Variants in NEGR1 observed in about 807,000 individuals in gnomAD.
NEGR1 encodes neuronal growth regulator 1.
A neutral mutation model predicts 40.9 loss-of-function variants in NEGR1; 10 were observed. That is an observed-to-expected ratio of 0.24 (90% confidence interval 0.15 to 0.42). NEGR1 has a LOEUF of 0.42. Among genes scored for constraint, NEGR1 ranks in the 10% least tolerant of loss-of-function variants. The pLI, the probability that NEGR1 is intolerant of heterozygous loss-of-function variation, is 1.00. For synonymous variants in NEGR1, 185 were observed against 166.8 expected (o/e 1.11, Z -0.84); for missense variants, 352 against 438.9 (o/e 0.80, Z 1.77).
chr1:72,061,623 C>T (rs1647175010), intron 1 of NEGR1, among the ~76,000 whole-genome samples: 1 of 151,714 alleles, frequency 6.6e-6, no homozygotes, highest in Non-Finnish European at 1.5e-5. Context: ...AGACTTTTAT[C>T]CACCAAACAA....
chr1:71,936,150 A>G (rs1645903854), intron 1 of NEGR1, among the ~76,000 whole-genome samples: 2 of 152,204 alleles, frequency 1.3e-5, no homozygotes, highest in South Asian at 4.1e-4. Flanking sequence ...GTAAGCTTGT[A>G]CACTGAAACT....
At chr1:71,951,694 T>C (rs1646071950) in intron 1 of NEGR1, among the ~76,000 whole-genome samples, 1 of 151,932 alleles carries the variant, frequency 6.6e-6, no homozygotes, top group Non-Finnish European at 1.5e-5. Context: ...AGTACAGGCA[T>C]ACCTCATTTT....
intron 4 of NEGR1, among the ~76,000 whole-genome samples, chr1:71,652,336 T>C (rs2781151): frequency 0.018 from 2,711 of 152,296 alleles, 76 homozygotes; most frequent in African/African-American, 0.062. Flanking sequence ...CTATTTTAGT[T>C]TGTAAACTGA....
chr1:71,729,376 C>A (rs1654779092), intron 3 of NEGR1, among the ~76,000 whole-genome samples: 1 of 152,146 alleles, frequency 6.6e-6, no homozygotes, highest in Admixed American at 6.5e-5. Context: ...ATAATCAAAT[C>A]AAATCTAGTC....
intron 1 of NEGR1, among the ~76,000 whole-genome samples, chr1:72,197,111 T>C (rs1256314213): frequency 2.6e-5 from 4 of 152,022 alleles, no homozygotes; most frequent in Admixed American, 6.6e-5. Flanking sequence ...CAAAGAGTTA[T>C]GTATCATGGA....
At position 72,282,421 on chromosome 1, in the gene NEGR1, C is replaced by T. The variant is rs770576682; in HGVS notation, c.74G>A (p.Cys25Tyr). The change falls in exon 1 of 7, where the codon TGC (cysteine) becomes TAC (tyrosine). Residue 25 changes from cysteine to tyrosine, a missense_variant. Transcript: ENST00000357731. ...CGGGAGGCAGGAGGGTAGCAGGCAG[C>T]ACAGGCTGAGGAGCACCGCCGCCAG... ...QWLAAVLLSL[C>Y]CLLPSCLPAG... The T allele has an allele frequency of 6.2e-7, 1 of 1,613,794 alleles. No individual in the cohort carries two copies. The highest frequency in any genetic ancestry group is 1.7e-5 in the Admixed American group (1 of 59,984).
At chr1:72,153,826 C>T (rs1293083589) in intron 1 of NEGR1, among the ~76,000 whole-genome samples, 1 of 151,792 alleles carries the variant, frequency 6.6e-6, no homozygotes, top group Non-Finnish European at 1.5e-5. Context: ...TCTACTAACT[C>T]ACGGTAGCAT....
chr1:71,427,549 A>T (rs12144015), intron 6 of NEGR1, among the ~76,000 whole-genome samples: 4 of 151,934 alleles, frequency 2.6e-5, no homozygotes, highest in Admixed American at 2.6e-4. Flanking sequence ...TAATAAATCA[A>T]GTTAAAAGAT....
chr1:72,272,065 G>T (rs1041809925), intron 1 of NEGR1, among the ~76,000 whole-genome samples: 1 of 151,678 alleles, frequency 6.6e-6, no homozygotes, highest in Non-Finnish European at 1.5e-5. Flanking sequence ...AAAATTATGG[G>T]TTTAGAATTT....
At chr1:72,267,427 C>T (rs1449589328) in intron 1 of NEGR1, among the ~76,000 whole-genome samples, 3 of 150,978 alleles carry the variant, frequency 2.0e-5, no homozygotes, top group Non-Finnish European at 4.5e-5. Flanking sequence ...TTAGGGATTT[C>T]CCCATACTAA....
At chr1:72,269,740 T>G (rs1467361788) in intron 1 of NEGR1, among the ~76,000 whole-genome samples, 1 of 151,656 alleles carries the variant, frequency 6.6e-6, no homozygotes, top group African/African-American at 2.4e-5. Flanking sequence ...ATGGAATCAT[T>G]TATGGATGAG....
At chr1:72,272,771 T>C (rs894767395) in intron 1 of NEGR1, among the ~76,000 whole-genome samples, 3 of 151,984 alleles carry the variant, frequency 2.0e-5, no homozygotes, top group African/African-American at 7.2e-5. Context: ...TGGACCTATG[T>C]CCAAATGACT....
chr1:71,559,036 T>C lies in NEGR1; in HGVS notation c.940+33781A>G, dbSNP rs1008188730. Among the ~76,000 whole-genome samples, 11 of 125,104 alleles carry C rather than the reference T, an allele frequency of 8.8e-5. No homozygotes were observed. The South Asian group carries it at 2.6e-3, about 29-fold the overall frequency. 82.1% of individuals were successfully genotyped at this position (125,104 alleles called of 152,430 possible). ...GTGTGTGTGTATATATATATATATA[T>C]ATATATATACACATATATATTCATG... On this transcript the variant is annotated intron_variant, in intron 6 of 6. Coordinates refer to ENST00000357731, the MANE Select transcript of NEGR1 (RefSeq NM_173808.3).
In NEGR1 at chr1:71,947,477, C is replaced by A. The variant is rs116745690; in HGVS notation, c.177-12166G>T. On this transcript the variant is annotated intron_variant, in intron 1 of 6. Transcript: ENST00000357731. ...ACAACAAACAATTACAGGAATCTCA[C>A]CCAAAATCATTCCTAATGCTTTATC... Among the ~76,000 whole-genome samples the A allele has an allele frequency of 6.4e-3, 977 of 152,214 alleles. 12 individuals carry two copies. Among genetic ancestry groups the A allele is most frequent in the African/African-American group, 0.023 (938 of 41,550 alleles).
intron 2 of NEGR1, among the ~76,000 whole-genome samples, chr1:71,905,286 A>G (rs1014934791): frequency 1.1e-4 from 16 of 152,100 alleles, no homozygotes; most frequent in African/African-American, 3.9e-4. Context: ...TATTTTTGAT[A>G]AAAAGTTTCA....
chr1:72,054,665 A>G (rs1647094489), intron 1 of NEGR1, among the ~76,000 whole-genome samples: 1 of 151,216 alleles, frequency 6.6e-6, no homozygotes, highest in South Asian at 2.1e-4. Context: ...AGCACATGGT[A>G]TCTCATTACA....
At chr1:71,756,950 G>A (rs76804187) in intron 3 of NEGR1, among the ~76,000 whole-genome samples, 2,343 of 151,690 alleles carry the variant, frequency 0.015, 34 homozygotes, top group East Asian at 0.036. Context: ...AAGTTCTCAA[G>A]ACTTTAGAAT....
At chr1:72,199,835 C>T (rs1030524903) in intron 1 of NEGR1, among the ~76,000 whole-genome samples, 1 of 151,704 alleles carries the variant, frequency 6.6e-6, no homozygotes, top group East Asian at 1.9e-4. Flanking sequence ...AAACAGCACA[C>T]AAAAAACAAC....
chr1:71,460,079 A>T (rs1264485261), intron 6 of NEGR1, among the ~76,000 whole-genome samples: 1 of 152,248 alleles, frequency 6.6e-6, no homozygotes, highest in East Asian at 1.9e-4. Flanking sequence ...AGTACATATT[A>T]CTAAGTAAGC....
Sources: gnomAD v4.1 joint callset for allele counts (sites outside exome capture counted in the v4.1 genomes callset) on GRCh38, gnomAD v4.1.1 for gene constraint, MANE v1.5 for transcripts, NCBI Gene and HGNC (gene_info 2026-07-23, HGNC 2026-07-21) for gene names.